TRPV4: variants seen among roughly 807,000 people sequenced by gnomAD.
TRPV4 encodes transient receptor potential cation channel subfamily V member 4, also known as OSM9-like transient receptor potential channel 4.
A neutral mutation model predicts 84.1 loss-of-function variants in TRPV4; 58 were observed. The ratio of observed to expected loss-of-function variants is 0.69; its 90% CI spans 0.56 to 0.86. The LOEUF (loss-of-function observed/expected upper bound fraction) is 0.86. Ranked by LOEUF, TRPV4 falls within the 40% of genes least tolerant of loss-of-function variation. The pLI is 0.00. For synonymous variants in TRPV4, 489 were observed against 500.9 expected, an observed-to-expected ratio of 0.98 and a Z score of 0.32; for missense variants, 879 against 1,181.1, an observed-to-expected ratio of 0.74 and a Z score of 3.75.
intron 3 of TRPV4, among the ~76,000 whole-genome samples, chr12:109,804,379 A>G (rs892058310): frequency 3.3e-4 from 51 of 152,272 alleles, no homozygotes; most frequent in African/African-American, 1.2e-3. Context: ...TTCTGAAGCC[A>G]GGCACCTCAG....
Position 109,798,793 on chromosome 12 carries a change from G to C in TRPV4, c.973C>G (p.Leu325Val), listed in dbSNP as rs772372287. The C allele has an allele frequency of 6.2e-6, 10 of 1,614,214 alleles. No individual in the cohort carries two copies. Among genetic ancestry groups the C allele is most frequent in the Non-Finnish European group, 8.5e-6 (10 of 1,180,050 alleles). ...TCAGCAATGGCCACCAGCGCATGCA[G>C]CACTGTGTTGCCTCGCGAGTCCTGG... ...RRQDSRGNTV[L>V]HALVAIADNT... Residue 325 changes from leucine to valine, a missense_variant, in exon 6 of 16, where the codon CTG (leucine) becomes GTG (valine). Physicochemically the swap from Leu to Val is conservative, Grantham distance 32 (BLOSUM62 1). Transcript: ENST00000261740. This position sits in a 1 kb window ranked among gnomAD's most constrained non-coding sequence, Gnocchi z 5.0.
At chr12:109,806,447 C>T (rs1217989568) in intron 3 of TRPV4, among the ~76,000 whole-genome samples, 1 of 150,676 alleles carries the variant, frequency 6.6e-6, no homozygotes. Context: ...TTAGGTGATC[C>T]ACCCGCCTCA....
At chr12:109,827,374 C>T (rs1426548167) in intron 1 of TRPV4, among the ~76,000 whole-genome samples, 3 of 152,128 alleles carry the variant, frequency 2.0e-5, no homozygotes, top group Non-Finnish European at 4.4e-5. Flanking sequence ...CTTGTCCAGT[C>T]ACTCATTCCT....
intron 2 of TRPV4, among the ~76,000 whole-genome samples, chr12:109,813,327 G>C (rs986997754): frequency 6.6e-6 from 1 of 152,110 alleles, no homozygotes; most frequent in African/African-American, 2.4e-5. Context: ...CTGGAGAATT[G>C]CTTGAACCCA....
At chr12:109,810,219 T>C (rs1325874558) in intron 2 of TRPV4, among the ~76,000 whole-genome samples, 1 of 152,244 alleles carries the variant, frequency 6.6e-6, no homozygotes, top group Non-Finnish European at 1.5e-5. Flanking sequence ...AGGAATGCTC[T>C]CTCTGTCACA....
chr12:109,810,548 C>T (rs997639476), intron 2 of TRPV4, among the ~76,000 whole-genome samples: 10 of 152,128 alleles, frequency 6.6e-5, no homozygotes, highest in African/African-American at 1.9e-4. Context: ...TTCCTCTTCG[C>T]CAGGGGTTGA....
At chr12:109,828,167 G>A (rs988931401) in intron 1 of TRPV4, among the ~76,000 whole-genome samples, 12 of 152,192 alleles carry the variant, frequency 7.9e-5, no homozygotes, top group African/African-American at 2.4e-4. Context: ...TCTGTCCCCT[G>A]AGCCCCCGCC....
Position 109,793,889 on chromosome 12 carries a change from G to A in TRPV4, c.1584+41C>T, listed in dbSNP as rs1367048461. 7.0e-7 allele frequency: 1 copy of A among 1,425,066 alleles called. No homozygotes were observed. The highest frequency in any genetic ancestry group is 1.9e-5 in the Admixed American group (1 of 53,950). The allele number at this position is 1,425,066 out of a possible 1,614,324, so 88.3% of individuals were successfully genotyped here. A position where few individuals can be genotyped will look rare whatever the true frequency, so the allele number is the denominator to read the frequency against. ...GAAAAGAGGTGCAGGAAGAGAAGAGGAGGGCAGGCAGGGTGGGGGGCACGG... is the reference window on the plus strand; with the variant it reads ...GAAAAGAGGTGCAGGAAGAGAAGAGAAGGGCAGGCAGGGTGGGGGGCACGG... On this transcript the variant is annotated intron_variant, in intron 9 of 15. Transcript: ENST00000261740. This position sits in a 1 kb window ranked among gnomAD's most constrained non-coding sequence, Gnocchi z 4.0.
rs116292460 is a variant in TRPV4 at position 109,784,192 on chromosome 12, C to T, written c.2458+124G>A. On this transcript the variant is annotated intron_variant, in intron 15 of 15. Transcript: ENST00000261740. Reference sequence around the variant, plus strand: ...GCATTCACAAGCAGCAGAGGAAGCTCAGGGGCACACTCTCTCATTCTGTAG... The same window carrying T: ...GCATTCACAAGCAGCAGAGGAAGCTTAGGGGCACACTCTCTCATTCTGTAG... 3.4e-3 allele frequency: 5,046 copies of T among 1,490,428 alleles called. 121 individuals carry two copies. The African/African-American group carries it at 0.058, about 17-fold the overall frequency. The allele number at this position is 1,490,428 out of a possible 1,614,324, so 92.3% of individuals were successfully genotyped here.
rs2136466291 is a variant in TRPV4, at chr12:109,792,405, A to G, written c.1849T>C (p.Phe617Leu). The G allele has an allele frequency of 6.2e-7, 1 of 1,613,990 alleles. No individual in the cohort carries two copies. Among genetic ancestry groups the G allele is most frequent in the African/African-American group, 1.3e-5 (1 of 75,040 alleles). ...ATGAAGAGCAAGTAGACGAGCAGGA[A>G]TCGGAAAAGGTCCTTGAAGAGAATC... ...QKILFKDLFR[F>L]LLVYLLFMIG... The change falls in exon 12 of 16, where the codon TTC becomes CTC. Residue 617 changes from phenylalanine to leucine, a missense_variant. Around this residue, in one of 4 missense-constraint regions of TRPV4, gnomAD observed 242 missense variants for 355.3 expected, o/e 0.68. Transcript: ENST00000261740.
intron 7 of TRPV4, among the ~76,000 whole-genome samples, chr12:109,795,647 T>G (rs1411438847): frequency 6.6e-6 from 1 of 152,220 alleles, no homozygotes; most frequent in Non-Finnish European, 1.5e-5. Context: ...ATGGTATGTT[T>G]ACATGCAGCG....
chr12:109,800,517 T>G, intron 5 of TRPV4, 101 bp downstream of exon 5: 2 of 1,469,036 alleles, frequency 1.4e-6, no homozygotes, highest in South Asian at 2.4e-5. Flanking sequence ...TGGCCCTGGG[T>G]GTCTGGGTGA....
At position 109,786,673 on chromosome 12, in the gene TRPV4, C is replaced by G. The variant is rs1200613945; in HGVS notation, c.2336+37G>C. 1.2e-6 allele frequency: 2 copies of G among 1,612,326 alleles called. No homozygotes were observed. The highest frequency in any genetic ancestry group is 2.7e-5 in the African/African-American group (2 of 74,914). ...GGGCCCCGAGCCAGTGGGGACAGTT[C>G]CGCCCTGCCATCCTGGCCCCACTGC... On this transcript the variant is annotated intron_variant, in intron 14 of 15. Transcript: ENST00000261740. The surrounding 1 kb of genome is among the most constrained non-coding windows in gnomAD (Gnocchi z 4.5).
intron 7 of TRPV4, among the ~76,000 whole-genome samples, chr12:109,795,814 C>G (rs1216182476): frequency 6.6e-6 from 1 of 152,178 alleles, no homozygotes; most frequent in Non-Finnish European, 1.5e-5. Context: ...GTGGCATGAT[C>G]TCGGCTCACT....
At chr12:109,827,755 TAC>T (rs1892302758) in intron 1 of TRPV4, among the ~76,000 whole-genome samples, 1 of 146,678 alleles carries the variant, frequency 6.8e-6, no homozygotes, top group Admixed American at 7.0e-5. Flanking sequence ...GACATACATA[TAC>T]ACACATACAC....
chr12:109,823,570 G>A (rs12370663), intron 1 of TRPV4, among the ~76,000 whole-genome samples: 39,875 of 152,112 alleles, frequency 0.26, 6,098 homozygotes, highest in East Asian at 0.7. Flanking sequence ...GCCACATATT[G>A]CAGGATTCCA....
chr12:109,789,618 G>A lies in TRPV4; in HGVS notation c.1892-902C>T, dbSNP rs531536290. Among the ~76,000 whole-genome samples, 16 of 152,232 alleles carry A rather than the reference G, an allele frequency of 1.1e-4. No individual in the cohort carries two copies. In the East Asian group the frequency reaches 2.5e-3, roughly 24 times the overall value. On this transcript the variant is annotated intron_variant, in intron 12 of 15. Coordinates refer to ENST00000261740, the MANE Select transcript of TRPV4 (RefSeq NM_021625.5). The stretch of plus-strand genomic sequence containing the variant: ...TTCAGATTCCTTCTCAACACAGTTT[G>A]GCAGCAACAACCTGTCCCTAAACCA...
intron 14 of TRPV4, among the ~76,000 whole-genome samples, chr12:109,785,674 C>T (rs982769684): frequency 6.6e-6 from 1 of 151,890 alleles, no homozygotes; most frequent in Non-Finnish European, 1.5e-5. Flanking sequence ...CCACCTTGGC[C>T]TCCCAAAGTG....
At chr12:109,812,412 G>A (rs1891575186) in intron 2 of TRPV4, among the ~76,000 whole-genome samples, 1 of 152,214 alleles carries the variant, frequency 6.6e-6, no homozygotes, top group Admixed American at 6.5e-5. Flanking sequence ...TAAGCCTCAG[G>A]AAAGCCACTG....
Sources: allele counts gnomAD v4.1 joint callset (sites outside exome capture counted in the v4.1 genomes callset), GRCh38; gene constraint gnomAD v4.1.1; regional missense constraint gnomAD v4.1.1; non-coding constraint Gnocchi (gnomAD v3.1); transcripts MANE v1.5; gene names NCBI Gene and HGNC (gene_info 2026-07-23, HGNC 2026-07-21).